Variants in MPC2 observed in about 807,000 individuals in gnomAD.
MPC2 encodes the protein brain protein 44.
A neutral mutation model predicts 19.2 loss-of-function variants in MPC2; 19 were observed. That is an observed-to-expected ratio of 0.99 (90% CI 0.69 to 1.45). MPC2 has a LOEUF of 1.45. Ranked by LOEUF, MPC2 falls within the 40% of genes most tolerant of loss-of-function variation. The pLI is 0.00. For synonymous variants in MPC2, 61 were observed against 54.3 expected (o/e 1.12, Z -0.54); for missense variants, 122 against 153.0 (o/e 0.80, Z 1.07).
intron 1 of MPC2, 38 bp from the exon 2 acceptor site, chr1:167,935,936 G>A (rs1380576482): frequency 3.2e-6 from 3 of 935,524 alleles, no homozygotes; most frequent in Non-Finnish European, 5.0e-6. Flanking sequence ...TTCCTGCCAC[G>A]ACGACTCGCG....
rs1210926470 is a variant in MPC2 at position 167,924,520 on chromosome 1, AG to A, written c.126del (p.Phe43SerfsTer6). On this transcript the variant is annotated frameshift_variant, in exon 3 of 6. Coordinates refer to ENST00000271373, the MANE Select transcript of MPC2 (RefSeq NM_001143674.4). LOFTEE classifies it high-confidence loss of function. The stretch of plus-strand genomic sequence containing the variant: ...ACCCATTTCATAATTGGAGCCCAGA[AG>A]AAAACTGTTCTGGGACCTGAAAAAA... ...YNHPAGPRTV[F>X]FWAPIMKWGL... is the part of the protein sequence containing the mutation. 1.3e-6 allele frequency: 2 copies of A among 1,586,326 alleles called. No homozygotes were observed. The highest frequency in any genetic ancestry group is 1.4e-5 in the African/African-American group (1 of 73,100).
chr1:167,926,512 T>C (rs1670758458), intron 2 of MPC2, among the ~76,000 whole-genome samples: 1 of 152,210 alleles, frequency 6.6e-6, no homozygotes, highest in East Asian at 1.9e-4. Flanking sequence ...TTTCAGAATA[T>C]ATAATCCTAA....
intron 2 of MPC2, among the ~76,000 whole-genome samples, chr1:167,932,894 C>T (rs1670950927): frequency 6.6e-6 from 1 of 151,310 alleles, no homozygotes; most frequent in Non-Finnish European, 1.5e-5. Flanking sequence ...TTGACAAACA[C>T]TGGAGTACAG....
intron 2 of MPC2, among the ~76,000 whole-genome samples, chr1:167,929,080 C>T (rs577403509): frequency 3.3e-5 from 5 of 152,204 alleles, no homozygotes; most frequent in East Asian, 3.9e-4. Flanking sequence ...ACATTTAGGC[C>T]GGGCGTGGTG....
chr1:167,937,060 G>GA lies in MPC2; in HGVS notation c.-180dup, dbSNP rs1671363934. Reference sequence around the variant, plus strand: ...GCTGAGGTCGCCGCCTAGAGTGGGGGAGGGGGCACGCTGCCGGGTCTGTTG... The same window carrying GA: ...GCTGAGGTCGCCGCCTAGAGTGGGGGAAGGGGGCACGCTGCCGGGTCTGTTG... On this transcript the variant is annotated 5_prime_UTR_variant, in exon 1 of 6. Coordinates refer to ENST00000271373, the MANE Select transcript of MPC2 (RefSeq NM_001143674.4). 1 of 1,472,596 alleles carries GA rather than the reference G, an allele frequency of 6.8e-7. No homozygotes were observed. The highest frequency in any genetic ancestry group is 9.4e-7 in the Non-Finnish European group (1 of 1,068,306). The allele number at this position is 1,472,596 out of a possible 1,614,324, so 91.2% of individuals were successfully genotyped here. A position where few individuals can be genotyped will look rare whatever the true frequency, so the allele number is the denominator to read the frequency against.
Position 167,919,976 on chromosome 1 carries a change from T to G in MPC2, c.347+3A>C. The G allele has an allele frequency of 6.2e-7, 1 of 1,605,126 alleles. No homozygotes were observed. The highest frequency in any genetic ancestry group is 8.5e-7 in the Non-Finnish European group (1 of 1,174,896). On this transcript the variant is annotated splice_donor_region_variant and intron_variant, in intron 5 of 5. Coordinates refer to ENST00000271373, the MANE Select transcript of MPC2 (RefSeq NM_001143674.4). ...GTTTTAAAAATATCTCTGGTAGGCT[T>G]ACCTCCAAATACGAAAAAGCTGAGA...
intron 3 of MPC2, 83 bp from the exon 4 acceptor site, chr1:167,920,714 T>C (rs964818971): frequency 5.2e-5 from 71 of 1,367,224 alleles, no homozygotes; most frequent in Non-Finnish European, 6.5e-5. Context: ...CAAGACATTT[T>C]TGAGATTTCC....
At chr1:167,928,319 G>GA (rs34157542) in intron 2 of MPC2, among the ~76,000 whole-genome samples, 11,159 of 91,344 alleles carry the variant, frequency 0.12, 498 homozygotes, top group Middle Eastern at 0.24. Context: ...CTGCACTCCA[G>GA]AAAAAAAAAA....
At chr1:167,923,554 G>A (rs935981060) in intron 3 of MPC2, among the ~76,000 whole-genome samples, 1 of 152,116 alleles carries the variant, frequency 6.6e-6, no homozygotes, top group East Asian at 1.9e-4. Context: ...AAGGAGAATG[G>A]GGAATTATGG....
chr1:167,936,174 G>A (rs1671185927), intron 1 of MPC2: 2 of 284,626 alleles, frequency 7.0e-6, no homozygotes, highest in Admixed American at 9.9e-5. Flanking sequence ...GCTTGCGCAG[G>A]CCGAGCTGCC....
intron 2 of MPC2, among the ~76,000 whole-genome samples, chr1:167,929,112 C>T (rs980398760): frequency 6.0e-5 from 9 of 150,236 alleles, no homozygotes; most frequent in Non-Finnish European, 3.0e-5. Context: ...TAATCCCAGC[C>T]GTTTGGGAGG....
At chr1:167,933,044 G>A (rs561803488) in intron 2 of MPC2, among the ~76,000 whole-genome samples, 59 of 152,090 alleles carry the variant, frequency 3.9e-4, no homozygotes, top group Non-Finnish European at 7.2e-4. Context: ...CTCTACAGTG[G>A]CAGATCATGA....
Position 167,923,168 on chromosome 1 carries a change from A to G in MPC2, c.150+1329T>C, listed in dbSNP as rs187906052. ...ACAAAAAATATTAAGCAGAATTATC[A>G]TATGATCTAGCAATTCAACTTCTGG... On this transcript the variant is annotated intron_variant, in intron 3 of 5. Transcript: ENST00000271373. Among the ~76,000 whole-genome samples the G allele has an allele frequency of 1.5e-3, 230 of 152,328 alleles. 2 individuals carry two copies. The highest frequency in any genetic ancestry group is 2.4e-3 in the Non-Finnish European group (163 of 68,022).
At chr1:167,925,442 C>CATATATATAT (rs369657697) in intron 2 of MPC2, among the ~76,000 whole-genome samples, 1,620 of 82,208 alleles carry the variant, frequency 0.02, 35 homozygotes, top group South Asian at 0.036. Context: ...TACATATACA[C>CATATATATAT]ATATATATAT....
intron 5 of MPC2, 65 bp downstream of exon 5, chr1:167,919,914 A>AC: frequency 7.9e-7 from 1 of 1,264,220 alleles, no homozygotes; most frequent in African/African-American, 1.5e-5. Flanking sequence ...TCTCAAAAAA[A>AC]AAAAAAATTA....
chr1:167,935,633 TG>T, intron 2 of MPC2, 99 bp downstream of exon 2: 1 of 915,090 alleles, frequency 1.1e-6, no homozygotes, highest in Non-Finnish European at 1.7e-6. Context: ...ATTGGGGCTG[TG>T]GATGCCTCTA....
rs1159176015 is a variant in MPC2 at position 167,937,049 on chromosome 1, C to T, written c.-168G>A. ...GGGGCGGAGGCGCTGAGGTCGCCGC[C>T]TAGAGTGGGGGAGGGGGCACGCTGC... On this transcript the variant is annotated 5_prime_UTR_variant, in exon 1 of 6. Coordinates refer to ENST00000271373, the MANE Select transcript of MPC2 (RefSeq NM_001143674.4). 4.5e-6 allele frequency: 7 copies of T among 1,541,490 alleles called. No homozygotes were observed. The Admixed American group carries it at 5.5e-5, about 12-fold the overall frequency.
At chr1:167,933,458 TGCCTGGCTAA>T (rs1391697813) in intron 2 of MPC2, among the ~76,000 whole-genome samples, 12 of 152,168 alleles carry the variant, frequency 7.9e-5, no homozygotes. Context: ...TGAGCCACCG[TGCCTGGCTAA>T]AAACACATTC....
chr1:167,924,982 T>C (rs1382521743), intron 2 of MPC2, among the ~76,000 whole-genome samples: 1 of 152,138 alleles, frequency 6.6e-6, no homozygotes, highest in African/African-American at 2.4e-5. Context: ...ATTTGAAAAA[T>C]GTAAAAATGG....
Sources: gnomAD v4.1 joint callset for allele counts (sites outside exome capture counted in the v4.1 genomes callset) on GRCh38, gnomAD v4.1.1 for gene constraint, MANE v1.5 for transcripts, NCBI Gene and HGNC (gene_info 2026-07-23, HGNC 2026-07-21) for gene names.